NCOA3: variants seen among roughly 807,000 people sequenced by gnomAD.
NCOA3 encodes nuclear receptor coactivator 3.
In NCOA3, 51 loss-of-function variants were observed where a neutral mutation model predicts 158.8. The ratio of observed to expected loss-of-function variants is 0.32; its 90% CI spans 0.26 to 0.41. The LOEUF is 0.41. NCOA3 is among the 10% of genes least tolerant of loss of function. The probability of loss-of-function intolerance (pLI) is 1.00; values close to 1 mark genes in which losing one functional copy is unlikely to be tolerated. For missense variants in NCOA3, 1,510 were observed against 1,746.6 expected (o/e 0.86, Z 2.41); for synonymous variants, 537 against 592.4 (o/e 0.91, Z 1.36).
chr20:47,625,672 G>A (rs532209861), intron 5 of NCOA3, among the ~76,000 whole-genome samples, 191 bp downstream of exon 5: 1 of 152,234 alleles, frequency 6.6e-6, no homozygotes, highest in South Asian at 2.1e-4. Flanking sequence ...AATTCAGGAA[G>A]CCTTGCCCCC....
intron 1 of NCOA3, among the ~76,000 whole-genome samples, chr20:47,525,002 A>C (rs1417076270): frequency 6.6e-6 from 1 of 150,452 alleles, no homozygotes; most frequent in African/African-American, 2.4e-5. Context: ...GCAGGGTCAC[A>C]GGACAATAGT....
At chr20:47,580,552 C>T (rs1451269067) in intron 1 of NCOA3, among the ~76,000 whole-genome samples, 1 of 151,972 alleles carries the variant, frequency 6.6e-6, no homozygotes, top group African/African-American at 2.4e-5. Context: ...AGTGAAACTC[C>T]ATCCCCCACC....
intron 1 of NCOA3, among the ~76,000 whole-genome samples, chr20:47,531,762 G>A (rs375729881): frequency 2.6e-5 from 4 of 151,948 alleles, no homozygotes; most frequent in Non-Finnish European, 2.9e-5. Context: ...CTAAATTTCC[G>A]TCTGGCTTGT....
chr20:47,634,556 G>T (rs2086477473), intron 10 of NCOA3, among the ~76,000 whole-genome samples: 2 of 152,202 alleles, frequency 1.3e-5, no homozygotes, highest in Middle Eastern at 3.4e-3. Flanking sequence ...TTACTGTCTG[G>T]GTTGGTAGTG....
rs1359806947 is a variant in NCOA3, at chr20:47,653,841, G to A, written c.*424G>A. 5.4e-6 allele frequency: 1 copy of A among 184,888 alleles called. No homozygotes were observed. Among genetic ancestry groups the A allele is most frequent in the African/African-American group, 2.4e-5 (1 of 42,454 alleles). 11.5% of individuals were successfully genotyped at this position (184,888 alleles called of 1,614,324 possible). Reference sequence around the variant, plus strand: ...TCTGGTTTCTCTAGTTGCAGTATTGGACAAAGAGCATAGTCCCAGCCTTCA... The same window carrying A: ...TCTGGTTTCTCTAGTTGCAGTATTGAACAAAGAGCATAGTCCCAGCCTTCA... On this transcript the variant is annotated 3_prime_UTR_variant, in exon 23 of 23. Transcript: ENST00000371998.
At chr20:47,594,494 C>G (rs1223372172) in intron 2 of NCOA3, among the ~76,000 whole-genome samples, 1 of 151,278 alleles carries the variant, frequency 6.6e-6, no homozygotes, top group Non-Finnish European at 1.5e-5. Flanking sequence ...GAGATCTCGT[C>G]TCTACTAAAA....
At chr20:47,628,226 G>T (rs1306449368) in intron 8 of NCOA3, among the ~76,000 whole-genome samples, 1 of 151,534 alleles carries the variant, frequency 6.6e-6, no homozygotes, top group Non-Finnish European at 1.5e-5. Context: ...TTTGAATTGG[G>T]TATGTTTGGC....
In NCOA3 at chr20:47,606,969, T is replaced by C. The variant is rs560429935; in HGVS notation, c.-19-15260T>C. ...TGAGATGGGTGGTGACATTAATGAA[T>C]GTGGGTTAAAAAAATTGTGTAATGA... On this transcript the variant is annotated intron_variant, in intron 2 of 22. Coordinates refer to ENST00000371998, the MANE Select transcript of NCOA3 (RefSeq NM_181659.3). Among the ~76,000 whole-genome samples the C allele has an allele frequency of 1.5e-4, 23 of 152,198 alleles. 1 individual carries two copies. The highest frequency in any genetic ancestry group is 1.2e-3 in the Admixed American group (19 of 15,278).
intron 1 of NCOA3, among the ~76,000 whole-genome samples, chr20:47,563,904 A>G (rs1181585512): frequency 2.5e-4 from 35 of 142,524 alleles, no homozygotes; most frequent in South Asian, 6.6e-4. Context: ...AAAAAAAAAA[A>G]GAAAGAAAAA....
Position 47,506,445 on chromosome 20 carries a change from G to A in NCOA3, c.-99+4426G>A, listed in dbSNP as rs6125034. 8.3e-4 allele frequency among the ~76,000 whole-genome samples: 126 copies of A among 152,294 alleles called. No homozygotes were observed. In the East Asian group the frequency reaches 0.021, roughly 25 times the overall value. ...GGCCAGAAAATACACAGCAGGAGTAGGATGGGAGACCTGCAGTGTGTAGAA... is the reference window on the plus strand; with the variant it reads ...GGCCAGAAAATACACAGCAGGAGTAAGATGGGAGACCTGCAGTGTGTAGAA... On this transcript the variant is annotated intron_variant, in intron 1 of 22. Transcript: ENST00000371998.
At chr20:47,518,550 C>T (rs1412894373) in intron 1 of NCOA3, among the ~76,000 whole-genome samples, 1 of 151,314 alleles carries the variant, frequency 6.6e-6, no homozygotes, top group Non-Finnish European at 1.5e-5. Flanking sequence ...CTCAGCCTCC[C>T]GAGTAGCTGG....
At chr20:47,560,035 C>G (rs1277805904) in intron 1 of NCOA3, among the ~76,000 whole-genome samples, 1 of 152,226 alleles carries the variant, frequency 6.6e-6, no homozygotes, top group African/African-American at 2.4e-5. Context: ...GTCCACCCAC[C>G]TTGGCCTCCC....
At chr20:47,637,616 A>C in intron 12 of NCOA3, 32 bp from the exon 13 acceptor site, 1 of 1,571,226 alleles carries the variant, frequency 6.4e-7, no homozygotes. Flanking sequence ...CTGGTAATGT[A>C]TACAGGTTAA....
intron 16 of NCOA3, 66 bp from the exon 17 acceptor site, chr20:47,642,147 G>A (rs1199171077): frequency 1.7e-6 from 2 of 1,177,426 alleles, no homozygotes; most frequent in African/African-American, 3.1e-5. Flanking sequence ...ATGCATGGTT[G>A]CTGTGATCTA....
intron 17 of NCOA3, among the ~76,000 whole-genome samples, chr20:47,644,447 C>A (rs1320939753): frequency 6.6e-6 from 1 of 152,134 alleles, no homozygotes; most frequent in Non-Finnish European, 1.5e-5. Context: ...CCGCGCCTGG[C>A]CCTTCATTCT....
At chr20:47,580,990 C>T (rs1002255330) in intron 1 of NCOA3, among the ~76,000 whole-genome samples, 1 of 151,874 alleles carries the variant, frequency 6.6e-6, no homozygotes, top group African/African-American at 2.4e-5. Flanking sequence ...AGTCCCAGCT[C>T]CTTGGGTAGT....
intron 16 of NCOA3, among the ~76,000 whole-genome samples, chr20:47,640,603 C>T (rs958335553): frequency 2.4e-4 from 37 of 151,766 alleles, no homozygotes; most frequent in African/African-American, 7.7e-4. Context: ...ATTGTAGGCC[C>T]GGTGTGGTGG....
At chr20:47,560,136 G>A (rs963298121) in intron 1 of NCOA3, among the ~76,000 whole-genome samples, 1 of 152,086 alleles carries the variant, frequency 6.6e-6, no homozygotes, top group African/African-American at 2.4e-5. Flanking sequence ...CTAGAGTGCT[G>A]TGGCACAATC....
At chr20:47,533,975 C>A (rs2084592342) in intron 1 of NCOA3, among the ~76,000 whole-genome samples, 1 of 151,890 alleles carries the variant, frequency 6.6e-6, no homozygotes, top group South Asian at 2.1e-4. Flanking sequence ...CCAGGATGAC[C>A]TATTAGAAGG....
Sources: allele counts gnomAD v4.1 joint callset (sites outside exome capture counted in the v4.1 genomes callset), GRCh38; gene constraint gnomAD v4.1.1; transcripts MANE v1.5; gene names NCBI Gene and HGNC (gene_info 2026-07-23, HGNC 2026-07-21).